NPAS3: variants seen among roughly 807,000 people sequenced by gnomAD.
The protein encoded by NPAS3 is neuronal PAS domain-containing protein 3.
Under a neutral mutation model 73.1 loss-of-function variants are expected in NPAS3, and 14 were observed. The observed-to-expected ratio is 0.19, with a 90% CI of 0.13 to 0.30. The LOEUF is 0.30. NPAS3 is among the 10% of genes least tolerant of loss of function. The pLI is 1.00. For missense variants in NPAS3, 1,096 were observed against 1,250.0 expected, an observed-to-expected ratio of 0.88 and a Z score of 1.86; for synonymous variants, 620 against 541.5, an observed-to-expected ratio of 1.14 and a Z score of -2.01.
At chr14:33,064,829 A>T (rs2041224494) in intron 2 of NPAS3, among the ~76,000 whole-genome samples, 1 of 152,094 alleles carries the variant, frequency 6.6e-6, no homozygotes, top group Non-Finnish European at 1.5e-5. Flanking sequence ...TATGAATAAC[A>T]CTTTTTATAG....
At chr14:33,279,976 T>A (rs915115809) in intron 3 of NPAS3, among the ~76,000 whole-genome samples, 2 of 152,188 alleles carry the variant, frequency 1.3e-5, no homozygotes, top group Admixed American at 6.5e-5. Context: ...GCAGCTGATA[T>A]GCTTTATTGA....
At chr14:33,287,137 G>A (rs925070038) in intron 3 of NPAS3, among the ~76,000 whole-genome samples, 2 of 152,170 alleles carry the variant, frequency 1.3e-5, no homozygotes, top group South Asian at 2.1e-4. Flanking sequence ...GGAGTTATTC[G>A]TGGGAGAAAA....
intron 5 of NPAS3, among the ~76,000 whole-genome samples, chr14:33,575,425 C>A (rs2056395436): frequency 6.6e-6 from 1 of 152,192 alleles, no homozygotes; most frequent in Admixed American, 6.5e-5. Context: ...CACCTATAAG[C>A]AGCCCATATG....
chr14:33,334,112 T>C (rs898665960), intron 3 of NPAS3, among the ~76,000 whole-genome samples: 11 of 152,158 alleles, frequency 7.2e-5, no homozygotes, highest in African/African-American at 2.7e-4. Context: ...AGAAAGTCAG[T>C]ATGGCAGGTT....
chr14:33,346,555 T>TGTTGATTTCAAATTAG (rs2044744997), intron 3 of NPAS3, among the ~76,000 whole-genome samples: 2 of 131,320 alleles, frequency 1.5e-5, no homozygotes, highest in South Asian at 4.9e-4. Context: ...AAAAAGGAAA[T>TGTTGATTTCAAATTAG]GTTGATTTCA....
chr14:33,469,865 A>G (rs1219703363), intron 4 of NPAS3, among the ~76,000 whole-genome samples: 1 of 152,180 alleles, frequency 6.6e-6, no homozygotes, highest in Non-Finnish European at 1.5e-5. Context: ...ATAGGGCTGA[A>G]TTAATGACAC....
At chr14:33,388,997 C>G (rs1410749522) in intron 4 of NPAS3, among the ~76,000 whole-genome samples, 1 of 152,154 alleles carries the variant, frequency 6.6e-6, no homozygotes, top group Non-Finnish European at 1.5e-5. Context: ...ACCTTTGTGG[C>G]GTGCACTACC....
intron 4 of NPAS3, among the ~76,000 whole-genome samples, chr14:33,369,054 C>T (rs11626079): frequency 0.18 from 27,194 of 152,028 alleles, 2,800 homozygotes; most frequent in East Asian, 0.36. Context: ...CTAACACAAA[C>T]TTAGGAGTTT....
chr14:33,559,317 C>G (rs570986734), intron 4 of NPAS3, among the ~76,000 whole-genome samples: 1 of 152,254 alleles, frequency 6.6e-6, no homozygotes, highest in African/African-American at 2.4e-5. Flanking sequence ...TCCTGTTGTT[C>G]TAACACAATG....
chr14:33,148,255 TATCTC>T (rs1354181743), intron 2 of NPAS3, among the ~76,000 whole-genome samples: 1 of 152,214 alleles, frequency 6.6e-6, no homozygotes, highest in Admixed American at 6.5e-5. Context: ...ATTCATCTAT[TATCTC>T]ATTTCTGTTG....
At chr14:33,002,403 G>A (rs2038841369) in intron 1 of NPAS3, among the ~76,000 whole-genome samples, 1 of 152,188 alleles carries the variant, frequency 6.6e-6, no homozygotes, top group African/African-American at 2.4e-5. Context: ...AGCCATTGAT[G>A]GCTTTTGAGA....
At position 33,018,293 on chromosome 14, in the gene NPAS3, G is replaced by C. The variant is rs79620737; in HGVS notation, c.51-37612G>C. Among the ~76,000 whole-genome samples, 401 of 152,294 alleles carry C rather than the reference G, an allele frequency of 2.6e-3. 9 individuals carry two copies. The East Asian group carries it at 0.057, about 22-fold the overall frequency. ...GATCGATTTATCTTGTGATGCTCCA[G>C]TGGCAGAATGGGCTCCAGGGGTAGA... On this transcript the variant is annotated intron_variant, in intron 1 of 11. Coordinates refer to ENST00000356141, the Ensembl canonical transcript of NPAS3.
intron 3 of NPAS3, among the ~76,000 whole-genome samples, chr14:33,291,947 C>T (rs151158297): frequency 3.9e-5 from 6 of 152,286 alleles, no homozygotes; most frequent in African/African-American, 9.6e-5. Flanking sequence ...TGAGGCTTGG[C>T]GTAGGGCTGC....
intron 3 of NPAS3, among the ~76,000 whole-genome samples, chr14:33,226,452 GTAT>G (rs535464719): frequency 7.6e-4 from 115 of 152,176 alleles, no homozygotes; most frequent in African/African-American, 2.5e-3. Context: ...GTATTTAGTG[GTAT>G]TATTATCAGC....
chr14:32,960,135 T>G (rs2036848828), intron 1 of NPAS3, among the ~76,000 whole-genome samples: 1 of 152,180 alleles, frequency 6.6e-6, no homozygotes, highest in Non-Finnish European at 1.5e-5. Flanking sequence ...GGAACAACTT[T>G]AAAAGAGAGA....
chr14:33,204,108 A>G (rs187281502), intron 2 of NPAS3, among the ~76,000 whole-genome samples: 1 of 152,188 alleles, frequency 6.6e-6, no homozygotes. Flanking sequence ...TTTTGTCTGC[A>G]TAAATGGGCT....
rs567211068 is a variant in NPAS3 at position 33,784,561 on chromosome 14, T to A, written c.1153+5989T>A. Among the ~76,000 whole-genome samples, 213 of 152,120 alleles carry A rather than the reference T, an allele frequency of 1.4e-3. 1 individual carries two copies. The highest frequency in any genetic ancestry group is 4.9e-3 in the African/African-American group (203 of 41,484). ...AAGGCATTGCAGGCTTAGAAGAGCATAGGAGAGACATAGAACACAAACACA... is the reference window on the plus strand; with the variant it reads ...AAGGCATTGCAGGCTTAGAAGAGCAAAGGAGAGACATAGAACACAAACACA... On this transcript the variant is annotated intron_variant, in intron 9 of 11. Coordinates refer to ENST00000356141, the Ensembl canonical transcript of NPAS3.
At chr14:33,573,741 G>A (rs898243352) in intron 5 of NPAS3, among the ~76,000 whole-genome samples, 3 of 152,060 alleles carry the variant, frequency 2.0e-5, no homozygotes, top group African/African-American at 7.2e-5. Context: ...ATATTTTAAA[G>A]GGAAAAGTGC....
intron 5 of NPAS3, among the ~76,000 whole-genome samples, chr14:33,584,996 G>A (rs2056812008): frequency 6.6e-6 from 1 of 152,128 alleles, no homozygotes; most frequent in South Asian, 2.1e-4. Context: ...ATGTAAAAAG[G>A]TGTTCCAGAA....
Sources: gnomAD v4.1 joint callset for allele counts (sites outside exome capture counted in the v4.1 genomes callset) on GRCh38, gnomAD v4.1.1 for gene constraint, MANE v1.5 for transcripts, NCBI Gene and HGNC (gene_info 2026-07-23, HGNC 2026-07-21) for gene names.